DLG2: variants seen among roughly 807,000 people sequenced by gnomAD.
DLG2 encodes the protein disks large homolog 2.
Under a neutral mutation model 132.5 loss-of-function variants are expected in DLG2, and 45 were observed. The observed-to-expected ratio is 0.34, with a 90% CI of 0.27 to 0.44. The LOEUF (loss-of-function observed/expected upper bound fraction) is 0.44. DLG2 is among the 20% of genes least tolerant of loss of function. DLG2 has a pLI of 1.00. For missense variants in DLG2, 1,045 were observed against 1,196.9 expected, an observed-to-expected ratio of 0.87 and a Z score of 1.87; for synonymous variants, 424 against 419.6, an observed-to-expected ratio of 1.01 and a Z score of -0.13.
intron 6 of DLG2, among the ~76,000 whole-genome samples, chr11:85,070,248 C>T (rs1173330707): frequency 6.6e-6 from 1 of 151,400 alleles, no homozygotes; most frequent in Non-Finnish European, 1.5e-5. Flanking sequence ...CACATGTATA[C>T]ATATGTAACA....
intron 3 of DLG2, among the ~76,000 whole-genome samples, chr11:85,575,193 A>G (rs1160618943): frequency 6.6e-6 from 1 of 151,940 alleles, no homozygotes; most frequent in Non-Finnish European, 1.5e-5. Flanking sequence ...AAATTCCATA[A>G]TCTGTCTTCC....
intron 3 of DLG2, among the ~76,000 whole-genome samples, chr11:85,576,643 A>T (rs1459852442): frequency 6.6e-6 from 1 of 152,198 alleles, no homozygotes; most frequent in Non-Finnish European, 1.5e-5. Context: ...CTCAGTCACA[A>T]AATTGTATCA....
At chr11:85,526,625 T>A (rs1180435587) in intron 3 of DLG2, among the ~76,000 whole-genome samples, 1 of 152,176 alleles carries the variant, frequency 6.6e-6, no homozygotes, top group Non-Finnish European at 1.5e-5. Flanking sequence ...ATGAGAATAA[T>A]AGTTAATTTT....
At chr11:83,686,838 T>A (rs1209014513) in intron 18 of DLG2, among the ~76,000 whole-genome samples, 1 of 152,186 alleles carries the variant, frequency 6.6e-6, no homozygotes, top group Non-Finnish European at 1.5e-5. Flanking sequence ...GGTTGAAATG[T>A]GTCACCCCAA....
At chr11:85,146,170 C>T (rs1003967630) in intron 5 of DLG2, among the ~76,000 whole-genome samples, 1 of 151,828 alleles carries the variant, frequency 6.6e-6, no homozygotes, top group Non-Finnish European at 1.5e-5. Context: ...GTCTCTGATT[C>T]TCTTCCCTCA....
intron 18 of DLG2, among the ~76,000 whole-genome samples, chr11:83,671,690 C>G (rs185270518): frequency 9.2e-4 from 140 of 152,288 alleles, no homozygotes; most frequent in Non-Finnish European, 1.6e-3. Flanking sequence ...TATCCCTACT[C>G]CCTTTCCCTC....
intron 7 of DLG2, among the ~76,000 whole-genome samples, chr11:84,329,363 G>A (rs971911889): frequency 6.6e-5 from 10 of 152,148 alleles, no homozygotes; most frequent in South Asian, 2.1e-4. Flanking sequence ...CTCACATGTC[G>A]TGGGAGGGAC....
In DLG2 at chr11:85,055,609, G is replaced by A. The variant is rs2063372729; in HGVS notation, c.357+56052C>T. ...AGGACTCTATGACTTGATAATTCAA[G>A]ATTTTGCAGTGACAAAAAGTACAAA... On this transcript the variant is annotated intron_variant, in intron 6 of 27. Coordinates refer to ENST00000376104, the MANE Select transcript of DLG2 (RefSeq NM_001142699.3). 2.0e-5 allele frequency among the ~76,000 whole-genome samples: 3 copies of A among 152,142 alleles called. No individual in the cohort carries two copies. In the South Asian group the frequency reaches 6.2e-4, roughly 31 times the overall value.
At chr11:83,769,306 G>A (rs1257405848) in intron 18 of DLG2, among the ~76,000 whole-genome samples, 1 of 152,050 alleles carries the variant, frequency 6.6e-6, no homozygotes, top group African/African-American at 2.4e-5. Context: ...AATATTACTG[G>A]CACTCAAATT....
chr11:83,993,371 A>G (rs916119804), intron 11 of DLG2, among the ~76,000 whole-genome samples: 2 of 152,150 alleles, frequency 1.3e-5, no homozygotes, highest in Admixed American at 1.3e-4. Flanking sequence ...CTTTAGCTCA[A>G]GGGGGAAAAA....
At chr11:84,600,240 A>AAAGCAAGCAAGC (rs72004062) in intron 6 of DLG2, among the ~76,000 whole-genome samples, 67 of 143,694 alleles carry the variant, frequency 4.7e-4, no homozygotes, top group South Asian at 9.4e-4. Flanking sequence ...GAAAGACAGA[A>AAAGCAAGCAAGC]AAGCAAGCAA....
At chr11:84,481,554 C>A (rs1217431857) in intron 7 of DLG2, among the ~76,000 whole-genome samples, 1 of 152,006 alleles carries the variant, frequency 6.6e-6, no homozygotes, top group African/African-American at 2.4e-5. Flanking sequence ...ATATAATTAC[C>A]CAGTGGATGG....
At chr11:84,240,976 T>TCA (rs1204620083) in intron 8 of DLG2, among the ~76,000 whole-genome samples, 2 of 152,288 alleles carry the variant, frequency 1.3e-5, no homozygotes, top group South Asian at 4.1e-4. Flanking sequence ...CAACCCAACC[T>TCA]CATATTATGC....
At position 84,371,445 on chromosome 11, in the gene DLG2, GC is replaced by G. The variant is rs1201835728; in HGVS notation, c.520-120155del. Among the ~76,000 whole-genome samples, 14 of 151,696 alleles carry G rather than the reference GC, an allele frequency of 9.2e-5. No individual in the cohort carries two copies. In the East Asian group the frequency reaches 2.7e-3, roughly 30 times the overall value. On this transcript the variant is annotated intron_variant, in intron 7 of 27. Coordinates refer to ENST00000376104, the MANE Select transcript of DLG2 (RefSeq NM_001142699.3). Reference sequence around the variant, plus strand: ...TAATTTTTTGTATAGACGGGGTTTTGCCCTTTTGCCCAGGCTGGTCTCAAAC... The same window carrying G: ...TAATTTTTTGTATAGACGGGGTTTTGCCTTTTGCCCAGGCTGGTCTCAAAC...
intron 7 of DLG2, among the ~76,000 whole-genome samples, chr11:84,301,366 G>C (rs1268503509): frequency 6.6e-6 from 1 of 152,028 alleles, no homozygotes; most frequent in Non-Finnish European, 1.5e-5. Context: ...GATCATTAAA[G>C]TCAGGAAACA....
chr11:85,228,300 A>G (rs1359710325), intron 4 of DLG2, among the ~76,000 whole-genome samples: 1 of 152,092 alleles, frequency 6.6e-6, no homozygotes, highest in Non-Finnish European at 1.5e-5. Context: ...GTTGTTGCCT[A>G]CAAGAGAAAT....
chr11:85,252,877 G>A (rs1266828852), intron 4 of DLG2, among the ~76,000 whole-genome samples: 1 of 152,110 alleles, frequency 6.6e-6, no homozygotes, highest in Non-Finnish European at 1.5e-5. Flanking sequence ...GATATCTACT[G>A]AATCTATCCT....
chr11:85,275,665 A>T (rs1022991477), intron 4 of DLG2, among the ~76,000 whole-genome samples: 1 of 152,178 alleles, frequency 6.6e-6, no homozygotes, highest in Non-Finnish European at 1.5e-5. Context: ...TATAGAAAAA[A>T]AAAGTCCATA....
rs2089442504 is a variant in DLG2, at chr11:83,459,183, C to T, written c.*635G>A. ...AAATAGGCAATCAACAATCATAAAG[C>T]TAATCCCAGGTGGAATCCCCTCCTG... On this transcript the variant is annotated 3_prime_UTR_variant, in exon 28 of 28. Coordinates refer to ENST00000376104, the MANE Select transcript of DLG2 (RefSeq NM_001142699.3). 6.6e-6 allele frequency: 1 copy of T among 152,612 alleles called. No homozygotes were observed. The highest frequency in any genetic ancestry group is 2.4e-5 in the African/African-American group (1 of 41,432). 9.5% of individuals were successfully genotyped at this position (152,612 alleles called of 1,614,324 possible).
Sources: gnomAD v4.1 joint callset for allele counts (sites outside exome capture counted in the v4.1 genomes callset) on GRCh38, gnomAD v4.1.1 for gene constraint, MANE v1.5 for transcripts, NCBI Gene and HGNC (gene_info 2026-07-23, HGNC 2026-07-21) for gene names.